Variants in DNAH6 observed in about 807,000 individuals in gnomAD.
DNAH6 encodes axonemal beta dynein heavy chain 6.
A neutral mutation model predicts 491.4 loss-of-function variants in DNAH6; 340 were observed. That is an observed-to-expected ratio of 0.69 (90% CI 0.63 to 0.76). The LOEUF is 0.76. Ranked by LOEUF, DNAH6 falls within the 30% of genes least tolerant of loss-of-function variation. DNAH6 has a pLI of 0.00. For missense variants in DNAH6, 4,443 were observed against 4,972.2 expected (o/e 0.89, Z 3.20); for synonymous variants, 1,603 against 1,686.1 (o/e 0.95, Z 1.21).
At chr2:84,610,328 A>G (rs78797817) in intron 21 of DNAH6, among the ~76,000 whole-genome samples, 15,658 of 152,160 alleles carry the variant, frequency 0.1, 1,838 homozygotes, top group African/African-American at 0.29. Flanking sequence ...AAACATAATT[A>G]TGTACATTCT....
chr2:84,660,083 G>A (rs1691353304), intron 37 of DNAH6, among the ~76,000 whole-genome samples: 1 of 152,132 alleles, frequency 6.6e-6, no homozygotes, highest in Non-Finnish European at 1.5e-5. Context: ...CACCTTGATA[G>A]CAGCAATGAG....
At chr2:84,639,801 A>G (rs1689218090) in intron 31 of DNAH6, among the ~76,000 whole-genome samples, 1 of 152,150 alleles carries the variant, frequency 6.6e-6, no homozygotes, top group Non-Finnish European at 1.5e-5. Context: ...CAAAACAGAC[A>G]CCAGTAAGAA....
At chr2:84,534,992 A>G (rs895384158) in intron 4 of DNAH6, among the ~76,000 whole-genome samples, 2 of 151,924 alleles carry the variant, frequency 1.3e-5, no homozygotes, top group African/African-American at 4.8e-5. Context: ...AGAGCACTGT[A>G]GGCTTTCGTA....
intron 65 of DNAH6, 57 bp downstream of exon 65, chr2:84,781,710 G>T (rs1009049982): frequency 3.1e-5 from 46 of 1,477,740 alleles, no homozygotes; most frequent in Non-Finnish European, 4.1e-5. Context: ...ACCTTTTCTT[G>T]TTGAATTCAT....
chr2:84,649,805 C>T (rs1690248489), intron 33 of DNAH6, among the ~76,000 whole-genome samples: 1 of 152,054 alleles, frequency 6.6e-6, no homozygotes, highest in Admixed American at 6.6e-5. Flanking sequence ...AACCAAACAC[C>T]ACATGTTCCC....
chr2:84,484,609 T>C, the DNAH6 span, among the ~76,000 whole-genome samples: 1 of 152,208 alleles, frequency 6.6e-6, no homozygotes, highest in African/African-American at 2.4e-5. Context: ...CCAGTAATGC[T>C]GCATCACTCT....
At chr2:84,777,768 T>C in intron 64 of DNAH6, 1 of 936,542 alleles carries the variant, frequency 1.1e-6, no homozygotes, top group Non-Finnish European at 1.8e-6. Flanking sequence ...TTGCAACCAC[T>C]TCCAATAATA....
intron 56 of DNAH6, among the ~76,000 whole-genome samples, chr2:84,711,684 A>C (rs1029160819): frequency 5.9e-5 from 9 of 152,338 alleles, no homozygotes; most frequent in African/African-American, 2.2e-4. Flanking sequence ...TAAACTATCC[A>C]AGCAACCTTG....
At chr2:84,688,758 A>G (rs1391370481) in intron 45 of DNAH6, among the ~76,000 whole-genome samples, 165 bp downstream of exon 45, 1 of 152,186 alleles carries the variant, frequency 6.6e-6, no homozygotes, top group African/African-American at 2.4e-5. Context: ...TATTTTAAAT[A>G]TTTGTGGAAT....
At chr2:84,523,918 T>G (rs541422059) in intron 2 of DNAH6, among the ~76,000 whole-genome samples, 2 of 152,224 alleles carry the variant, frequency 1.3e-5, no homozygotes, top group African/African-American at 4.8e-5. Flanking sequence ...AGAATGTATA[T>G]TCTGCTGTTT....
chr2:84,547,701 T>A, intron 7 of DNAH6, 89 bp downstream of exon 7: 1 of 1,300,480 alleles, frequency 7.7e-7, no homozygotes, highest in Non-Finnish European at 1.1e-6. Context: ...TAAGTTTAAA[T>A]AATGATTCTA....
At chr2:84,747,514 A>G (rs1353576412) in intron 63 of DNAH6, among the ~76,000 whole-genome samples, 2 of 152,218 alleles carry the variant, frequency 1.3e-5, no homozygotes, top group Non-Finnish European at 2.9e-5. Flanking sequence ...AGGCCTTAGT[A>G]AGCCCTGTCC....
At chr2:84,542,764 A>T (rs1464520871) in intron 4 of DNAH6, among the ~76,000 whole-genome samples, 1 of 152,162 alleles carries the variant, frequency 6.6e-6, no homozygotes, top group East Asian at 1.9e-4. Context: ...GACCCAAAAC[A>T]TAGAATTTTG....
At chr2:84,745,290 T>G (rs1672858238) in intron 63 of DNAH6, 41 bp downstream of exon 63, 1 of 1,353,130 alleles carries the variant, frequency 7.4e-7, no homozygotes, top group African/African-American at 1.5e-5. Flanking sequence ...TTACAATTAT[T>G]TCTACTAAAG....
At chr2:84,534,379 A>T (rs528129800) in intron 4 of DNAH6, among the ~76,000 whole-genome samples, 1 of 152,140 alleles carries the variant, frequency 6.6e-6, no homozygotes, top group Non-Finnish European at 1.5e-5. Context: ...TTCCGTGGGT[A>T]AGACTGTGTA....
At chr2:84,719,856 T>TG (rs1402439209) in intron 59 of DNAH6, among the ~76,000 whole-genome samples, 9 of 148,742 alleles carry the variant, frequency 6.1e-5, no homozygotes, top group Non-Finnish European at 1.3e-4. Flanking sequence ...TCTTAACTGT[T>TG]ATCTGTACCT....
chr2:84,660,911 T>G (rs1691439365), intron 37 of DNAH6, among the ~76,000 whole-genome samples: 1 of 152,088 alleles, frequency 6.6e-6, no homozygotes, highest in African/African-American at 2.4e-5. Context: ...TAAAGAGAGA[T>G]AATTAAATGC....
At chr2:84,641,167 C>T (rs1295687625) in intron 32 of DNAH6, among the ~76,000 whole-genome samples, 1 of 152,110 alleles carries the variant, frequency 6.6e-6, no homozygotes, top group African/African-American at 2.4e-5. Flanking sequence ...CTGGAATCCC[C>T]AACTTGTCCA....
chr2:84,658,847 T>C (rs147300065), intron 36 of DNAH6, among the ~76,000 whole-genome samples, 179 bp from the exon 37 acceptor site: 140 of 152,236 alleles, frequency 9.2e-4, no homozygotes, highest in African/African-American at 3.2e-3. Flanking sequence ...GGTTATAATG[T>C]ATAACTATAA....
Sources: gnomAD v4.1 joint callset for allele counts (sites outside exome capture counted in the v4.1 genomes callset) on GRCh38, gnomAD v4.1.1 for gene constraint, MANE v1.5 for transcripts, NCBI Gene and HGNC (gene_info 2026-07-23, HGNC 2026-07-21) for gene names.